Variants in RBFOX1 observed in about 807,000 individuals in gnomAD.
RBFOX1 encodes RNA binding fox-1 homolog 1, also known as RNA binding protein fox-1 homolog 1.
A neutral mutation model predicts 57.7 loss-of-function variants in RBFOX1; 8 were observed. That is an observed-to-expected ratio of 0.14 (90% confidence interval 0.08 to 0.25). The LOEUF (loss-of-function observed/expected upper bound fraction) is 0.25. RBFOX1 is among the 10% of genes least tolerant of loss of function. The probability of loss-of-function intolerance (pLI) is 1.00; values close to 1 mark genes in which losing one functional copy is unlikely to be tolerated. For missense variants in RBFOX1, 611 were observed against 548.5 expected, an observed-to-expected ratio of 1.11 and a Z score of -1.14; for synonymous variants, 326 against 222.4, an observed-to-expected ratio of 1.47 and a Z score of -4.15.
At chr16:7,300,198 A>C (rs1185568949) in intron 4 of RBFOX1, among the ~76,000 whole-genome samples, 1 of 152,020 alleles carries the variant, frequency 6.6e-6, no homozygotes, top group Non-Finnish European at 1.5e-5. Context: ...TCTTCTCTGT[A>C]TTACTTACTT....
rs374496606 is a variant in RBFOX1, at chr16:5,945,241, G to A, written c.351+77906G>A. On this transcript the variant is annotated intron_variant, in intron 4 of 19. Transcript: ENST00000641259. ...ATAAAAAAGCTGCCTGGCCCTTCGTGGGTCTTACCTTTGGTTTTAGCTAGC... is the reference window on the plus strand; with the variant it reads ...ATAAAAAAGCTGCCTGGCCCTTCGTAGGTCTTACCTTTGGTTTTAGCTAGC... Among the ~76,000 whole-genome samples the A allele has an allele frequency of 6.8e-4, 104 of 152,248 alleles. 1 individual carries two copies. The highest frequency in any genetic ancestry group is 5.7e-4 in the Non-Finnish European group (39 of 68,022).
At chr16:6,817,780 T>G (rs1286245371) in intron 3 of RBFOX1, among the ~76,000 whole-genome samples, 1 of 152,168 alleles carries the variant, frequency 6.6e-6, no homozygotes, top group Non-Finnish European at 1.5e-5. Context: ...TCTGTTAAAC[T>G]TCTAAGTTTC....
chr16:6,087,305 C>T (rs1444004227), intron 1 of RBFOX1, among the ~76,000 whole-genome samples: 1 of 152,150 alleles, frequency 6.6e-6, no homozygotes, highest in African/African-American at 2.4e-5. Context: ...TGCCTTCGAG[C>T]ACACATGTGC....
At chr16:5,843,048 C>T (rs573827028) in intron 3 of RBFOX1, among the ~76,000 whole-genome samples, 14 of 152,130 alleles carry the variant, frequency 9.2e-5, no homozygotes, top group Non-Finnish European at 1.5e-4. Flanking sequence ...AGGCTGGTCT[C>T]GAACTCCTGA....
Position 7,078,713 on chromosome 16 carries a change from C to T in RBFOX1, c.27+26615C>T, listed in dbSNP as rs1457431649. Among the ~76,000 whole-genome samples, 89 of 148,234 alleles carry T rather than the reference C, an allele frequency of 6.0e-4. 1 individual carries two copies. Among genetic ancestry groups the T allele is most frequent in the Non-Finnish European group, 8.3e-4 (56 of 67,116 alleles). ...TTTATTTTTTTTTGAGACAGGCTCT[C>T]GCTCTGTCACCCAGGCTGGAGTGCA... On this transcript the variant is annotated intron_variant, in intron 4 of 15. Transcript: ENST00000550418.
chr16:6,875,438 C>G lies in RBFOX1; in HGVS notation c.-15-176619C>G, dbSNP rs554740692. ...TTCATTTGCAATGTGTGGCTTCTTC[C>G]CAGGACTCACACAAGATTCGCTGAG... On this transcript the variant is annotated intron_variant, in intron 3 of 15. Transcript: ENST00000550418. 5.9e-5 allele frequency among the ~76,000 whole-genome samples: 9 copies of G among 152,146 alleles called. No homozygotes were observed. In the South Asian group the frequency reaches 1.5e-3, roughly 25 times the overall value.
intron 3 of RBFOX1, among the ~76,000 whole-genome samples, chr16:6,950,322 C>G (rs2153522295): frequency 6.6e-6 from 1 of 152,052 alleles, no homozygotes; most frequent in East Asian, 1.9e-4. Flanking sequence ...TGTACACACC[C>G]ATTGCTTTAT....
intron 2 of RBFOX1, among the ~76,000 whole-genome samples, chr16:6,384,357 A>AT (rs2092088938): frequency 6.6e-6 from 1 of 152,050 alleles, no homozygotes; most frequent in South Asian, 2.1e-4. Flanking sequence ...GTAAAATTGC[A>AT]TTTTTCCCTG....
chr16:5,913,461 T>A (rs564109620), intron 4 of RBFOX1, among the ~76,000 whole-genome samples: 1 of 152,298 alleles, frequency 6.6e-6, no homozygotes, highest in Non-Finnish European at 1.5e-5. Context: ...CAGAGCTGGC[T>A]GTTTAAAAGA....
intron 3 of RBFOX1, among the ~76,000 whole-genome samples, chr16:5,671,125 G>C (rs2050000449): frequency 6.6e-6 from 1 of 152,200 alleles, no homozygotes; most frequent in Admixed American, 6.5e-5. Context: ...AGACCATCTT[G>C]CTCTCTTCTG....
chr16:5,651,328 C>T (rs1015862199), intron 3 of RBFOX1, among the ~76,000 whole-genome samples: 2 of 152,068 alleles, frequency 1.3e-5, no homozygotes, highest in Non-Finnish European at 2.9e-5. Flanking sequence ...GCTGGGATCA[C>T]AGGAGTGAAC....
chr16:7,047,868 A>G (rs750666610), intron 3 of RBFOX1, among the ~76,000 whole-genome samples: 13 of 149,342 alleles, frequency 8.7e-5, no homozygotes, highest in Non-Finnish European at 3.0e-5. Flanking sequence ...ATTTTATTTT[A>G]TTCCGTTTTA....
Position 5,665,697 on chromosome 16 carries a change from C to T in RBFOX1, c.318+66736C>T, listed in dbSNP as rs74809418. Among the ~76,000 whole-genome samples the T allele has an allele frequency of 5.4e-3, 822 of 152,304 alleles. 6 individuals carry two copies. The highest frequency in any genetic ancestry group is 0.019 in the African/African-American group (791 of 41,556). ...GTGGCTGGATTCCCTCTAACTGTTT[C>T]TCCATGTTTACTGAGTGTCCTGATC... is the stretch of plus-strand genomic sequence containing the variant. On this transcript the variant is annotated intron_variant, in intron 3 of 19. Coordinates refer to the RBFOX1 transcript ENST00000641259.
intron 1 of RBFOX1, among the ~76,000 whole-genome samples, chr16:6,077,335 A>G (rs147940076): frequency 6.6e-6 from 1 of 152,322 alleles, no homozygotes; most frequent in African/African-American, 2.4e-5. Context: ...AACAAGTCAT[A>G]TCTTTAAAAG....
intron 3 of RBFOX1, among the ~76,000 whole-genome samples, chr16:5,710,437 G>C (rs1437004919): frequency 2.0e-5 from 3 of 152,186 alleles, no homozygotes; most frequent in Non-Finnish European, 4.4e-5. Context: ...CCTCCAAGAG[G>C]AGGGGAAGAG....
At chr16:7,414,893 C>G (rs1202813991) in intron 4 of RBFOX1, among the ~76,000 whole-genome samples, 1 of 152,224 alleles carries the variant, frequency 6.6e-6, no homozygotes, top group Non-Finnish European at 1.5e-5. Context: ...GCTGGGATTA[C>G]AGGTGGTGAG....
intron 1 of RBFOX1, among the ~76,000 whole-genome samples, chr16:5,371,587 T>G (rs577811322): frequency 6.6e-6 from 1 of 152,344 alleles, no homozygotes; most frequent in African/African-American, 2.4e-5. Context: ...AATGAGTGCT[T>G]ATGAACTGAA....
intron 4 of RBFOX1, among the ~76,000 whole-genome samples, chr16:7,274,369 G>A (rs941418099): frequency 1.3e-5 from 2 of 152,108 alleles, no homozygotes; most frequent in Admixed American, 6.6e-5. Context: ...GCTTTGCTCA[G>A]AGATACACAA....
intron 4 of RBFOX1, among the ~76,000 whole-genome samples, chr16:7,368,606 CT>C (rs1325373943): frequency 6.6e-6 from 1 of 151,576 alleles, no homozygotes; most frequent in South Asian, 2.1e-4. Context: ...GTGAAACCCC[CT>C]GTCTACTAAA....
Sources: gnomAD v4.1 joint callset for allele counts (sites outside exome capture counted in the v4.1 genomes callset) on GRCh38, gnomAD v4.1.1 for gene constraint, MANE v1.5 for transcripts, NCBI Gene and HGNC (gene_info 2026-07-23, HGNC 2026-07-21) for gene names.